ZNF207: variants seen among roughly 807,000 people sequenced by gnomAD.
ZNF207 encodes zinc finger protein 207.
In ZNF207, 24 loss-of-function variants were observed where a neutral mutation model predicts 60.2. The ratio of observed to expected loss-of-function variants is 0.40; its 90% confidence interval spans 0.29 to 0.56. The LOEUF is 0.56. Ranked by LOEUF, ZNF207 falls within the 20% of genes least tolerant of loss-of-function variation. The pLI, the probability that ZNF207 is intolerant of heterozygous loss-of-function variation, is 0.49. For synonymous variants in ZNF207, 236 were observed against 194.7 expected (o/e 1.21, Z -1.77); for missense variants, 452 against 636.6 (o/e 0.71, Z 3.12).
chr17:32,371,066 A>G lies in ZNF207; in HGVS notation c.*1307A>G, dbSNP rs571967043. The G allele has an allele frequency of 2.0e-5, 3 of 152,318 alleles. No homozygotes were observed. In the South Asian group the frequency reaches 6.2e-4, roughly 32 times the overall value. The allele number at this position is 152,318 out of a possible 1,614,324, so 9.4% of individuals were successfully genotyped here. A position where few individuals can be genotyped will look rare whatever the true frequency, so the allele number is the denominator to read the frequency against. The stretch of plus-strand genomic sequence containing the variant: ...GAGCTTTTCTGTAGAGATGACTGCT[A>G]TTCAATATTTTGTGTTGCAACCTCT... On this transcript the variant is annotated 3_prime_UTR_variant, in exon 12 of 12. Coordinates refer to ENST00000394670, the MANE Select transcript of ZNF207 (RefSeq NM_001098507.2).
chr17:32,361,258 A>C (rs1254066235), intron 5 of ZNF207: 1 of 571,120 alleles, frequency 1.8e-6, no homozygotes, highest in East Asian at 2.9e-5. Flanking sequence ...GAGATTCAGA[A>C]TTATCTGTGA....
chr17:32,350,651 G>C (rs1041832563), intron 1 of ZNF207, among the ~76,000 whole-genome samples: 5 of 152,088 alleles, frequency 3.3e-5, no homozygotes, highest in African/African-American at 4.8e-5. Flanking sequence ...CCGTTGTTTT[G>C]GTGACGATTC....
At chr17:32,361,768 G>A (rs1904893499) in intron 6 of ZNF207, among the ~76,000 whole-genome samples, 1 of 152,156 alleles carries the variant, frequency 6.6e-6, no homozygotes, top group Non-Finnish European at 1.5e-5. Flanking sequence ...AATGGGACCT[G>A]TTAATAAGGG....
At chr17:32,355,222 C>T (rs1324084835) in intron 2 of ZNF207, among the ~76,000 whole-genome samples, 3 of 152,072 alleles carry the variant, frequency 2.0e-5, no homozygotes, top group Non-Finnish European at 4.4e-5. Context: ...TAATGAGACC[C>T]TGTCTCTACA....
intron 8 of ZNF207, among the ~76,000 whole-genome samples, chr17:32,366,075 T>C (rs1206110011): frequency 6.6e-6 from 1 of 152,250 alleles, no homozygotes; most frequent in Non-Finnish European, 1.5e-5. Flanking sequence ...TTAACACCTT[T>C]GCTTTTTTTC....
intron 2 of ZNF207, among the ~76,000 whole-genome samples, chr17:32,355,551 G>T (rs1904457340): frequency 6.6e-6 from 1 of 152,182 alleles, no homozygotes; most frequent in African/African-American, 2.4e-5. Context: ...TGATGTACAA[G>T]TCAGGAGTTC....
rs1030951615 is a variant in ZNF207, at chr17:32,370,577, C to T, written c.*818C>T. On this transcript the variant is annotated 3_prime_UTR_variant, in exon 12 of 12. Transcript: ENST00000394670. ...AGAGAAAAACTTAAGATACATGAGT[C>T]ATTACATAATGGGTATGAAATCTTT... is the stretch of plus-strand genomic sequence containing the variant. 6.6e-6 allele frequency: 1 copy of T among 152,184 alleles called. No individual in the cohort carries two copies. The highest frequency in any genetic ancestry group is 6.5e-5 in the Admixed American group (1 of 15,272). 9.4% of individuals were successfully genotyped at this position (152,184 alleles called of 1,614,324 possible). A position where few individuals can be genotyped will look rare whatever the true frequency, so the allele number is the denominator to read the frequency against.
Position 32,375,757 on chromosome 17 carries a change from T to C in ZNF207, c.*5998T>C, listed in dbSNP as rs1487830874. On this transcript the variant is annotated 3_prime_UTR_variant, in exon 12 of 12. Coordinates refer to ENST00000394670, the MANE Select transcript of ZNF207 (RefSeq NM_001098507.2). ...AAAGGTTGTCATTATTGACCTAATA[T>C]TGAGTAATCTTTCTGCGTTATTCCA... 1.3e-5 allele frequency: 2 copies of C among 152,154 alleles called. No homozygotes were observed. The highest frequency in any genetic ancestry group is 2.4e-5 in the African/African-American group (1 of 41,466). 9.4% of individuals were successfully genotyped at this position (152,154 alleles called of 1,614,324 possible).
intron 10 of ZNF207, 89 bp from the exon 11 acceptor site, chr17:32,369,206 T>G: frequency 6.8e-7 from 1 of 1,478,552 alleles, no homozygotes; most frequent in South Asian, 1.3e-5. Context: ...AAAATTACTC[T>G]TAACGTTGTA....
At position 32,350,269 on chromosome 17, in the gene ZNF207, G is replaced by A; in HGVS notation, c.-17G>A. The A allele has an allele frequency of 1.2e-6, 2 of 1,614,056 alleles. No individual in the cohort carries two copies. The highest frequency in any genetic ancestry group is 1.7e-6 in the Non-Finnish European group (2 of 1,179,978). On this transcript the variant is annotated 5_prime_UTR_variant, in exon 1 of 12. Transcript: ENST00000394670. ...CTTCTTTTCTCCTCCCTTTTACTTTGCCGGTAGAACACAGTTATGGGTCGC... is the reference window on the plus strand; with the variant it reads ...CTTCTTTTCTCCTCCCTTTTACTTTACCGGTAGAACACAGTTATGGGTCGC...
chr17:32,351,962 C>T (rs769467551), intron 2 of ZNF207, 50 bp downstream of exon 2: 1 of 1,466,584 alleles, frequency 6.8e-7, no homozygotes, highest in Non-Finnish European at 9.1e-7. Context: ...TTGGAAACAA[C>T]TTGAAAGAAT....
intron 7 of ZNF207, among the ~76,000 whole-genome samples, chr17:32,364,227 C>T (rs923466264): frequency 2.6e-5 from 4 of 151,876 alleles, no homozygotes; most frequent in Admixed American, 6.6e-5. Flanking sequence ...TAGCTCCTTA[C>T]GTATTATGCT....
At chr17:32,354,619 CTT>C (rs796325458) in intron 2 of ZNF207, among the ~76,000 whole-genome samples, 2 of 144,654 alleles carry the variant, frequency 1.4e-5, no homozygotes, top group Admixed American at 1.4e-4. Context: ...CTCTATTAGA[CTT>C]TTTTTTTTTT....
Position 32,350,228 on chromosome 17 carries a change from G to A in ZNF207, c.-58G>A. ...TGGGTTGGGAAAGTGAGGGATTTTT[G>A]GCCTCGTTTCTCCTGCTTCTTTTCT... On this transcript the variant is annotated 5_prime_UTR_variant, in exon 1 of 12. Coordinates refer to ENST00000394670, the MANE Select transcript of ZNF207 (RefSeq NM_001098507.2). The A allele has an allele frequency of 6.2e-7, 1 of 1,610,298 alleles. No homozygotes were observed. The highest frequency in any genetic ancestry group is 8.5e-7 in the Non-Finnish European group (1 of 1,176,986).
chr17:32,350,220 G>T lies in ZNF207; in HGVS notation c.-66G>T, dbSNP rs2150783859. The T allele has an allele frequency of 1.2e-6, 2 of 1,609,630 alleles. No homozygotes were observed. Among genetic ancestry groups the T allele is most frequent in the East Asian group, 4.5e-5 (2 of 44,796 alleles). On this transcript the variant is annotated 5_prime_UTR_variant, in exon 1 of 12. Coordinates refer to ENST00000394670, the MANE Select transcript of ZNF207 (RefSeq NM_001098507.2). ...GTAGCCGTTGGGTTGGGAAAGTGAG[G>T]GATTTTTGGCCTCGTTTCTCCTGCT...
Position 32,373,733 on chromosome 17 carries a change from A to T in ZNF207, c.*3974A>T. The T allele has an allele frequency of 3.7e-6, 1 of 273,018 alleles. No individual in the cohort carries two copies. The highest frequency in any genetic ancestry group is 6.5e-5 in the East Asian group (1 of 15,298). The allele number at this position is 273,018 out of a possible 1,614,324, so 16.9% of individuals were successfully genotyped here. On this transcript the variant is annotated 3_prime_UTR_variant, in exon 12 of 12. Coordinates refer to ENST00000394670, the MANE Select transcript of ZNF207 (RefSeq NM_001098507.2). The stretch of plus-strand genomic sequence containing the variant: ...TTGTGTTCCTATATTGAACTTCAAT[A>T]AATTGACAAAATTTGATATTTTTGA...
chr17:32,358,278 A>G (rs1052644835), intron 2 of ZNF207, among the ~76,000 whole-genome samples: 3 of 152,218 alleles, frequency 2.0e-5, no homozygotes, highest in Non-Finnish European at 4.4e-5. Flanking sequence ...ACAGTATTTA[A>G]TCCTAAAAAC....
chr17:32,369,709 C>A lies in ZNF207; in HGVS notation c.1435C>A (p.Pro479Thr). The A allele has an allele frequency of 6.3e-7, 1 of 1,592,502 alleles. No homozygotes were observed. The highest frequency in any genetic ancestry group is 8.5e-7 in the Non-Finnish European group (1 of 1,170,440). ...VPPYQGGPPR[P>T]PMGMRPPVMS... ...CCCTTACCAGGGTGGGCCTCCTCGA[C>A]CTCCGATGGGAATGAGACCTCCTGT... Residue 479 changes from proline (P) to threonine (T), a missense_variant, in exon 12 of 12, where the codon CCT (proline) becomes ACT (threonine). Physicochemically the swap from Pro to Thr is conservative, Grantham distance 38. Coordinates refer to ENST00000394670, the MANE Select transcript of ZNF207 (RefSeq NM_001098507.2).
At position 32,367,977 on chromosome 17, in the gene ZNF207, C is replaced by G; in HGVS notation, c.1127C>G (p.Thr376Ser). The G allele has an allele frequency of 6.2e-7, 1 of 1,614,166 alleles. No homozygotes were observed. Among genetic ancestry groups the G allele is most frequent in the Non-Finnish European group, 8.5e-7 (1 of 1,180,014 alleles). Residue 376 changes from threonine (T) to serine (S), a missense_variant, in exon 10 of 12, where the codon ACC becomes AGC. Transcript: ENST00000394670. ...KPATLTTTSA[T>S]SKLIHPDEDI... ...GCTACACTTACAACAACTAGTGCAA[C>G]CAGTAAGTTGATCCATCCAGATGAG...
Sources: gnomAD v4.1 joint callset for allele counts (sites outside exome capture counted in the v4.1 genomes callset) on GRCh38, gnomAD v4.1.1 for gene constraint, MANE v1.5 for transcripts, NCBI Gene and HGNC (gene_info 2026-07-23, HGNC 2026-07-21) for gene names.